PCDH15: variants seen among roughly 807,000 people sequenced by gnomAD.
The protein encoded by PCDH15 is protocadherin related 15.
Under a neutral mutation model 178.5 loss-of-function variants are expected in PCDH15, and 129 were observed. The observed-to-expected ratio is 0.72, with a 90% CI of 0.63 to 0.84. PCDH15 has a LOEUF of 0.84. Among genes scored for constraint, PCDH15 ranks in the 40% least tolerant of loss-of-function variants. PCDH15 has a pLI of 0.00. For synonymous variants in PCDH15, 800 were observed against 732.0 expected, an observed-to-expected ratio of 1.09 and a Z score of -1.50; for missense variants, 2,230 against 2,099.9, an observed-to-expected ratio of 1.06 and a Z score of -1.21.
intron 2 of PCDH15, among the ~76,000 whole-genome samples, chr10:54,910,823 C>A (rs1013442940): frequency 6.6e-6 from 1 of 152,124 alleles, no homozygotes; most frequent in Non-Finnish European, 1.5e-5. Flanking sequence ...AAACCAGTAT[C>A]AGCAGAGATT....
At chr10:54,062,749 A>G (rs1161668502) in intron 18 of PCDH15, among the ~76,000 whole-genome samples, 3 of 150,032 alleles carry the variant, frequency 2.0e-5, no homozygotes, top group African/African-American at 7.4e-5. Context: ...TAATTCAAGA[A>G]CAAAGAATCA....
intron 2 of PCDH15, among the ~76,000 whole-genome samples, chr10:55,482,734 C>T (rs981036185): frequency 6.6e-6 from 1 of 151,758 alleles, no homozygotes; most frequent in Non-Finnish European, 1.5e-5. Context: ...GTCTTTCTCT[C>T]TAGCTGACCT....
At chr10:53,822,438 G>GC (rs1353436697) in intron 32 of PCDH15, 1 of 1,589,610 alleles carries the variant, frequency 6.3e-7, no homozygotes, top group South Asian at 1.1e-5. Context: ...AGCAAGAGGA[G>GC]CAGGAGCAGG....
At chr10:55,475,694 G>T (rs1840049419) in intron 2 of PCDH15, among the ~76,000 whole-genome samples, 1 of 151,836 alleles carries the variant, frequency 6.6e-6, no homozygotes, top group African/African-American at 2.4e-5. Flanking sequence ...TTTAAACTTG[G>T]GTCTCATCAC....
intron 1 of PCDH15, among the ~76,000 whole-genome samples, chr10:55,225,023 T>G (rs1592001605): frequency 6.6e-6 from 1 of 152,266 alleles, no homozygotes; most frequent in East Asian, 1.9e-4. Flanking sequence ...TTCTTAACAC[T>G]TATCCTTATT....
chr10:54,793,170 T>C (rs1482629472), intron 1 of PCDH15, among the ~76,000 whole-genome samples: 1 of 151,878 alleles, frequency 6.6e-6, no homozygotes, highest in African/African-American at 2.4e-5. Context: ...ATTGAAACTG[T>C]GTTGCAAGTC....
At chr10:54,864,550 G>A (rs1277701471) in intron 3 of PCDH15, 1 of 152,128 alleles carries the variant, frequency 6.6e-6, no homozygotes, top group African/African-American at 2.4e-5. Context: ...TAGTGGCAAA[G>A]ACAAACATTT....
intron 2 of PCDH15, among the ~76,000 whole-genome samples, chr10:54,616,139 T>C (rs986203760): frequency 7.2e-5 from 11 of 152,096 alleles, no homozygotes; most frequent in African/African-American, 2.6e-4. Flanking sequence ...AAATTAAAAA[T>C]AAAGTTTAAA....
chr10:55,207,888 G>A (rs910229576), intron 1 of PCDH15, among the ~76,000 whole-genome samples: 3 of 152,120 alleles, frequency 2.0e-5, no homozygotes, highest in African/African-American at 7.2e-5. Flanking sequence ...AGAATCACTT[G>A]AACCTGGAAG....
intron 21 of PCDH15, among the ~76,000 whole-genome samples, chr10:53,977,049 C>A (rs1374372136): frequency 6.6e-6 from 1 of 151,880 alleles, no homozygotes; most frequent in Admixed American, 6.6e-5. Flanking sequence ...TGTTTTCCTG[C>A]ATGTAGTTAC....
intron 8 of PCDH15, among the ~76,000 whole-genome samples, chr10:54,292,240 A>T (rs577933151): frequency 1.2e-4 from 19 of 152,328 alleles, no homozygotes; most frequent in African/African-American, 4.3e-4. Flanking sequence ...ATCTCAATAG[A>T]TGCAGAAAAG....
chr10:54,484,482 TA>T (rs1321255687), intron 3 of PCDH15, among the ~76,000 whole-genome samples: 1 of 151,916 alleles, frequency 6.6e-6, no homozygotes, highest in Non-Finnish European at 1.5e-5. Context: ...CTGTTCACAT[TA>T]ATTGTAAGAA....
At chr10:54,098,030 G>A (rs544193250) in intron 15 of PCDH15, among the ~76,000 whole-genome samples, 2 of 152,172 alleles carry the variant, frequency 1.3e-5, no homozygotes, top group Non-Finnish European at 2.9e-5. Flanking sequence ...TATACTGAAG[G>A]AAGTACAGCA....
upstream of PCDH15, among the ~76,000 whole-genome samples, chr10:54,803,486 A>G (rs57670312): frequency 6.6e-6 from 1 of 152,118 alleles, no homozygotes; most frequent in Admixed American, 6.5e-5. Flanking sequence ...AAAGCTTGTG[A>G]GCCTTTGTGC....
chr10:55,103,200 T>C (rs1181020502), intron 2 of PCDH15, among the ~76,000 whole-genome samples: 3 of 151,958 alleles, frequency 2.0e-5, no homozygotes, highest in Admixed American at 6.6e-5. Context: ...GCGCCAGTGA[T>C]ATCATGGTAA....
intron 16 of PCDH15, among the ~76,000 whole-genome samples, chr10:54,082,374 G>T (rs1447315452): frequency 6.6e-6 from 1 of 152,050 alleles, no homozygotes; most frequent in Non-Finnish European, 1.5e-5. Context: ...GAAAATTCAG[G>T]CACTCAAAAG....
intron 2 of PCDH15, among the ~76,000 whole-genome samples, chr10:54,990,597 G>C (rs140132486): frequency 2.3e-4 from 35 of 152,200 alleles, no homozygotes; most frequent in African/African-American, 8.2e-4. Flanking sequence ...TGTTTGTGCA[G>C]AGATATTTTT....
chr10:55,429,702 ATG>A (rs1460921832), intron 2 of PCDH15, among the ~76,000 whole-genome samples: 1 of 152,156 alleles, frequency 6.6e-6, no homozygotes, highest in Non-Finnish European at 1.5e-5. Context: ...CATTTTACTT[ATG>A]ATATTTATGT....
At chr10:54,971,898 G>T (rs1429458174) in intron 2 of PCDH15, among the ~76,000 whole-genome samples, 1 of 152,156 alleles carries the variant, frequency 6.6e-6, no homozygotes, top group Non-Finnish European at 1.5e-5. Context: ...TTAAGAAAAT[G>T]TTAACACTTT....
Sources: allele counts gnomAD v4.1 joint callset (sites outside exome capture counted in the v4.1 genomes callset), GRCh38; gene constraint gnomAD v4.1.1; transcripts MANE v1.5; gene names NCBI Gene and HGNC (gene_info 2026-07-23, HGNC 2026-07-21).